AGAP1: variants seen among roughly 807,000 people sequenced by gnomAD.
AGAP1 encodes the protein ArfGAP with GTPase domain, ankyrin repeat and PH domain 1, also known as arf-GAP with GTPase, ANK repeat and PH domain-containing protein 1.
In AGAP1, 29 loss-of-function variants were observed where a neutral mutation model predicts 105.3. The observed-to-expected ratio is 0.28, with a 90% confidence interval of 0.21 to 0.38. The LOEUF is 0.38. Ranked by LOEUF, AGAP1 falls within the 10% of genes least tolerant of loss-of-function variation. The probability of loss-of-function intolerance (pLI) is 1.00; values close to 1 mark genes in which losing one functional copy is unlikely to be tolerated. For synonymous variants in AGAP1, 509 were observed against 485.9 expected (o/e 1.05, Z -0.63); for missense variants, 998 against 1,165.1 (o/e 0.86, Z 2.09).
In AGAP1 at chr2:235,864,234, T is replaced by G. The variant is rs2049054064; in HGVS notation, c.1051-19111T>G. 6.6e-6 allele frequency among the ~76,000 whole-genome samples: 1 copy of G among 152,174 alleles called. No homozygotes were observed. The highest frequency in any genetic ancestry group is 1.5e-5 in the Non-Finnish European group (1 of 68,028). On this transcript the variant is annotated intron_variant, in intron 9 of 17. Coordinates refer to ENST00000304032, the MANE Select transcript of AGAP1 (RefSeq NM_001037131.3). This position sits in a 1 kb window ranked among gnomAD's most constrained non-coding sequence, Gnocchi z 5.0. Reference sequence around the variant, plus strand: ...TTTTCAGGAATTCCTCCCTGCCATATCCATGTGCCACTGTGTAGTCCCGTG... The same window carrying G: ...TTTTCAGGAATTCCTCCCTGCCATAGCCATGTGCCACTGTGTAGTCCCGTG...
rs940807765 is a variant in AGAP1, at chr2:235,789,902, A to G, written c.674-7857A>G. On this transcript the variant is annotated intron_variant, in intron 6 of 17. Transcript: ENST00000304032. This position sits in a 1 kb window ranked among gnomAD's most constrained non-coding sequence, Gnocchi z 4.2. ...ATTTACACACCCCTAAGTTAAATTT[A>G]TGACCTGTTTAGTTGCAGGATGTCT... Among the ~76,000 whole-genome samples the G allele has an allele frequency of 6.6e-6, 1 of 152,226 alleles. No individual in the cohort carries two copies. The highest frequency in any genetic ancestry group is 2.4e-5 in the African/African-American group (1 of 41,462).
intron 12 of AGAP1, among the ~76,000 whole-genome samples, chr2:235,942,280 G>A (rs1054332281): frequency 2.2e-4 from 34 of 152,170 alleles, no homozygotes; most frequent in African/African-American, 7.2e-4. Context: ...GGGTAGAGCC[G>A]TCACTGAAAT....
Position 235,967,004 on chromosome 2 carries a change from T to A in AGAP1, c.1484-1458T>A, listed in dbSNP as rs2054429558. Among the ~76,000 whole-genome samples, 1 of 152,228 alleles carries A rather than the reference T, an allele frequency of 6.6e-6. No homozygotes were observed. On this transcript the variant is annotated intron_variant, in intron 12 of 17. Transcript: ENST00000304032. The surrounding 1 kb of genome is among the most constrained non-coding windows in gnomAD (Gnocchi z 4.7). ...TTCATTTTGATTTCCATTATCTTTGTATTTGAAATCATGTCACTGTTCTGC... is the reference window on the plus strand; with the variant it reads ...TTCATTTTGATTTCCATTATCTTTGAATTTGAAATCATGTCACTGTTCTGC...
intron 1 of AGAP1, among the ~76,000 whole-genome samples, chr2:235,702,526 C>T (rs899485568): frequency 3.3e-5 from 5 of 152,152 alleles, no homozygotes; most frequent in Admixed American, 6.5e-5. Context: ...GGCCCTGTTC[C>T]CTTGTTGGTG....
At chr2:235,779,835 G>C (rs1286881756) in intron 6 of AGAP1, among the ~76,000 whole-genome samples, 1 of 152,212 alleles carries the variant, frequency 6.6e-6, no homozygotes. Context: ...CTGGACCGCT[G>C]TCAGAACTGT....
At chr2:235,818,689 T>C (rs1958603324) in intron 9 of AGAP1, among the ~76,000 whole-genome samples, 1 of 152,222 alleles carries the variant, frequency 6.6e-6, no homozygotes, top group African/African-American at 2.4e-5. Flanking sequence ...GCAATTCTCC[T>C]GCCTCATCCT....
At chr2:235,710,410 C>T (rs890627127) in intron 2 of AGAP1, among the ~76,000 whole-genome samples, 2 of 152,230 alleles carry the variant, frequency 1.3e-5, no homozygotes, top group African/African-American at 2.4e-5. Context: ...GGTCACTGTG[C>T]CGTCTCTCTC....
At chr2:235,702,993 T>A (rs982852742) in intron 1 of AGAP1, among the ~76,000 whole-genome samples, 1 of 137,142 alleles carries the variant, frequency 7.3e-6, no homozygotes, top group Non-Finnish European at 1.5e-5. Flanking sequence ...AGTGGCGCAA[T>A]CTCAGCTCAC....
chr2:236,106,667 G>C (rs766357287), intron 16 of AGAP1, among the ~76,000 whole-genome samples: 5 of 152,224 alleles, frequency 3.3e-5, no homozygotes, highest in Non-Finnish European at 7.3e-5. Context: ...GTCACGCACA[G>C]CCAGCTGGTG....
chr2:236,078,041 G>GTGTT lies in AGAP1; in HGVS notation c.2114+28763_2114+28764insTTGT, dbSNP rs1262214622. Among the ~76,000 whole-genome samples the GTGTT allele has an allele frequency of 2.9e-5, 4 of 139,038 alleles. No individual in the cohort carries two copies. The highest frequency in any genetic ancestry group is 4.5e-5 in the Non-Finnish European group (3 of 66,838). 91.2% of individuals were successfully genotyped at this position (139,038 alleles called of 152,430 possible). On this transcript the variant is annotated intron_variant, in intron 16 of 17. Coordinates refer to ENST00000304032, the MANE Select transcript of AGAP1 (RefSeq NM_001037131.3). The surrounding 1 kb of genome is among the most constrained non-coding windows in gnomAD (Gnocchi z 5.3). ...TTCTCCAGAGAAACAACCAATTTGT[G>GTGTT]TGTGTGTGTGTGTGTGTGTGTGTGT... is the stretch of plus-strand genomic sequence containing the variant.
chr2:235,667,142 C>T (rs1325083815), intron 1 of AGAP1, among the ~76,000 whole-genome samples: 2 of 152,262 alleles, frequency 1.3e-5, no homozygotes, highest in South Asian at 4.1e-4. Context: ...GGGATTATCG[C>T]GAAGCTTTTC....
At chr2:235,706,918 A>C (rs73124492) in intron 1 of AGAP1, among the ~76,000 whole-genome samples, 11,603 of 152,204 alleles carry the variant, frequency 0.076, 1,443 homozygotes, top group African/African-American at 0.26. Flanking sequence ...TGTTTTCCAA[A>C]TTAATTGGTA....
chr2:235,952,262 A>G (rs2125269592), intron 12 of AGAP1, among the ~76,000 whole-genome samples: 1 of 100,036 alleles, frequency 1.0e-5, no homozygotes, highest in East Asian at 2.5e-4. Context: ...CACAGTCATT[A>G]GTCATTTGCA....
At chr2:235,818,567 C>T (rs958507495) in intron 9 of AGAP1, among the ~76,000 whole-genome samples, 6 of 152,286 alleles carry the variant, frequency 3.9e-5, no homozygotes, top group African/African-American at 1.2e-4. Context: ...CTCAGCCTCC[C>T]GAGTAGCTGG....
chr2:236,099,101 T>TG lies in AGAP1; in HGVS notation c.2115-21088dup, dbSNP rs1363911887. Among the ~76,000 whole-genome samples, 6 of 151,624 alleles carry TG rather than the reference T, an allele frequency of 4.0e-5. 1 individual carries two copies. The South Asian group carries it at 6.3e-4, about 16-fold the overall frequency. ...GACTTCACTGCAAGGAGGGACAGGG[T>TG]GGGCCGGGGGGACTTCCCAGTTATG... On this transcript the variant is annotated intron_variant, in intron 16 of 17. Transcript: ENST00000304032.
intron 2 of AGAP1, among the ~76,000 whole-genome samples, chr2:235,715,087 G>A (rs566880703): frequency 1.4e-4 from 22 of 152,264 alleles, no homozygotes; most frequent in Admixed American, 6.5e-4. Context: ...GTGAGCCACC[G>A]TGCCCAGCCC....
intron 1 of AGAP1, among the ~76,000 whole-genome samples, chr2:235,564,321 G>C (rs9753069): frequency 0.61 from 92,489 of 151,964 alleles, 30,674 homozygotes; most frequent in African/African-American, 0.89. Context: ...GTTACTATTA[G>C]TGAGCATTAT....
Position 235,769,941 on chromosome 2 carries a change from A to AT in AGAP1, c.673+19454dup, listed in dbSNP as rs1955288124. Among the ~76,000 whole-genome samples the AT allele has an allele frequency of 6.6e-6, 1 of 152,196 alleles. No individual in the cohort carries two copies. Among genetic ancestry groups the AT allele is most frequent in the Non-Finnish European group, 1.5e-5 (1 of 68,036 alleles). On this transcript the variant is annotated intron_variant, in intron 6 of 17. Coordinates refer to ENST00000304032, the MANE Select transcript of AGAP1 (RefSeq NM_001037131.3). The surrounding 1 kb of genome is among the most constrained non-coding windows in gnomAD (Gnocchi z 4.4). ...TGTATTTCTATTAAGATACACACTT[A>AT]TGTATGTTTCATATATTAGCAAGTG...
chr2:235,767,383 A>G lies in AGAP1; in HGVS notation c.673+16895A>G, dbSNP rs533349645. Among the ~76,000 whole-genome samples, 5 of 152,340 alleles carry G rather than the reference A, an allele frequency of 3.3e-5. No individual in the cohort carries two copies. In the East Asian group the frequency reaches 9.6e-4, roughly 29 times the overall value. On this transcript the variant is annotated intron_variant, in intron 6 of 17. Transcript: ENST00000304032. ...TGGGCGCAGGCTTCTCGTGCGCACC[A>G]GCGAGCACCCGGGCCAAGCGTGGAG...
Sources: allele counts gnomAD v4.1 joint callset (sites outside exome capture counted in the v4.1 genomes callset), GRCh38; gene constraint gnomAD v4.1.1; non-coding constraint Gnocchi (gnomAD v3.1); transcripts MANE v1.5; gene names NCBI Gene and HGNC (gene_info 2026-07-23, HGNC 2026-07-21).